Variants in PURA observed in about 807,000 individuals in gnomAD.
PURA encodes the protein transcriptional activator protein Pur-alpha.
Under a neutral mutation model 23.1 loss-of-function variants are expected in PURA, and 2 were observed. The observed-to-expected ratio is 0.09, with a 90% CI of 0.04 to 0.27. The LOEUF (loss-of-function observed/expected upper bound fraction) is 0.27, where lower values mean the gene tolerates loss of function less well. Among genes scored for constraint, PURA ranks in the 10% least tolerant of loss-of-function variants. The pLI, the probability that PURA is intolerant of heterozygous loss-of-function variation, is 1.00. For synonymous variants in PURA, 254 were observed against 205.9 expected (o/e 1.23, Z -2.00); for missense variants, 187 against 449.7 (o/e 0.42, Z 5.28).
Position 140,115,484 on chromosome 5 carries a change from T to A in PURA, c.*334T>A, listed in dbSNP as rs975156205. ...TTAAAAAATATAAAGAACTGAGTGT[T>A]TATTTCCCTAATTAACCAAGAACTT... is the stretch of plus-strand genomic sequence containing the variant. On this transcript the variant is annotated 3_prime_UTR_variant, in exon 1 of 1. Coordinates refer to ENST00000331327, the MANE Select transcript of PURA (RefSeq NM_005859.5). This position sits in a 1 kb window ranked among gnomAD's most constrained non-coding sequence, Gnocchi z 4.1. 3.8e-5 allele frequency: 7 copies of A among 183,276 alleles called. No individual in the cohort carries two copies. The highest frequency in any genetic ancestry group is 1.7e-4 in the African/African-American group (7 of 42,182). 11.4% of individuals were successfully genotyped at this position (183,276 alleles called of 1,614,324 possible).
rs1452085467 is a variant in PURA, at chr5:140,114,111, C to T, written c.-71C>T. 2 of 316,290 alleles carry T rather than the reference C, an allele frequency of 6.3e-6. No individual in the cohort carries two copies. The highest frequency in any genetic ancestry group is 5.4e-5 in the Admixed American group (1 of 18,638). 19.6% of individuals were successfully genotyped at this position (316,290 alleles called of 1,614,324 possible). On this transcript the variant is annotated 5_prime_UTR_variant, in exon 1 of 1. Coordinates refer to ENST00000331327, the MANE Select transcript of PURA (RefSeq NM_005859.5). ...AGGCGGAGCCGGGGAGGGAAAGCAG[C>T]GGCGGCTGAGGCGACTGAGGCGGCG...
Position 140,115,021 on chromosome 5 carries a change from G to C in PURA, c.840G>C (p.Lys280Asn). Residue 280 changes from lysine to asparagine, a missense_variant, in exon 1 of 1, where the codon AAG becomes AAC. Physicochemically the swap from Lys to Asn is moderately conservative, Grantham distance 94. Coordinates refer to ENST00000331327, the MANE Select transcript of PURA (RefSeq NM_005859.5). The surrounding 1 kb of genome is among the most constrained non-coding windows in gnomAD (Gnocchi z 4.1). ...TFCKYSEEMKKIQEKQREKRA... is the reference protein window; with the variant it reads ...TFCKYSEEMKNIQEKQREKRA... ...GCAAGTACTCGGAGGAGATGAAGAA[G>C]ATTCAAGAGAAGCAGAGGGAGAAGC... 1 of 1,614,216 alleles carries C rather than the reference G, an allele frequency of 6.2e-7. No individual in the cohort carries two copies. The highest frequency in any genetic ancestry group is 8.5e-7 in the Non-Finnish European group (1 of 1,180,046).
chr5:140,114,240 C>T lies in PURA; in HGVS notation c.59C>T (p.Ser20Phe), dbSNP rs1210044420. The change falls in exon 1 of 1, where the codon TCC becomes TTC. Residue 20 changes from serine (S) to phenylalanine (F), a missense_variant. Ser to Phe is a radical substitution (Grantham distance 155, BLOSUM62 -2). Transcript: ENST00000331327. Reference protein sequence around the residue: ...QGGAALGSGGSLGHPGSGSGS... With the variant: ...QGGAALGSGGFLGHPGSGSGS... ...GGTGCGGCGCTGGGTTCGGGCGGCT[C>T]CCTGGGGCACCCCGGCTCGGGCTCA... 4 of 1,174,626 alleles carry T rather than the reference C, an allele frequency of 3.4e-6. No homozygotes were observed. 72.8% of individuals were successfully genotyped at this position (1,174,626 alleles called of 1,614,324 possible). A position where few individuals can be genotyped will look rare whatever the true frequency, so the allele number is the denominator to read the frequency against.
chr5:140,114,142 AGCGGCAGGCGGCGGCGGC>A lies in PURA; in HGVS notation c.-32_-15del. On this transcript the variant is annotated 5_prime_UTR_variant, in exon 1 of 1. Coordinates refer to ENST00000331327, the MANE Select transcript of PURA (RefSeq NM_005859.5). ...CTGAGGCGACTGAGGCGGCGGGCGG[AGCGGCAGGCGGCGGCGGC>A]GCGGCAGCGGAGCGCAGCATCATGG... 1 of 478,598 alleles carries A rather than the reference AGCGGCAGGCGGCGGCGGC, an allele frequency of 2.1e-6. No homozygotes were observed. 29.6% of individuals were successfully genotyped at this position (478,598 alleles called of 1,614,324 possible). A position where few individuals can be genotyped will look rare whatever the true frequency, so the allele number is the denominator to read the frequency against.
At position 140,120,034 on chromosome 5, in the gene PURA, T is replaced by A. The variant is rs937410343; in HGVS notation, c.*4884T>A. 3 of 166,818 alleles carry A rather than the reference T, an allele frequency of 1.8e-5. No individual in the cohort carries two copies. Among genetic ancestry groups the A allele is most frequent in the Admixed American group, 1.3e-4 (2 of 15,244 alleles). 10.3% of individuals were successfully genotyped at this position (166,818 alleles called of 1,614,324 possible). ...ACCAAGTCTAATGACTTTTTTCCCTTTTTAAAATCTTTTGAGTATCAGAAT... is the reference window on the plus strand; with the variant it reads ...ACCAAGTCTAATGACTTTTTTCCCTATTTAAAATCTTTTGAGTATCAGAAT... On this transcript the variant is annotated 3_prime_UTR_variant, in exon 1 of 1. Transcript: ENST00000331327.
rs1346561117 is a variant in PURA at position 140,114,231 on chromosome 5, C to T, written c.50C>T (p.Ser17Leu). ...GAGCAGGGTGGTGCGGCGCTGGGTT[C>T]GGGCGGCTCCCTGGGGCACCCCGGC... ...GSEQGGAALG[S>L]GGSLGHPGSG... The change falls in exon 1 of 1, where the codon TCG (serine) becomes TTG (leucine). Residue 17 changes from serine to leucine, a missense_variant. Ser to Leu is a moderately radical substitution (Grantham distance 145, BLOSUM62 -2). Around this residue, in one of 9 missense-constraint regions of PURA, gnomAD observed 33 missense variants for 30.4 expected, o/e 1.08. Transcript: ENST00000331327. 1.8e-6 allele frequency: 2 copies of T among 1,107,702 alleles called. No individual in the cohort carries two copies. The highest frequency in any genetic ancestry group is 4.5e-5 in the South Asian group (1 of 22,282). The allele number at this position is 1,107,702 out of a possible 1,614,324, so 68.6% of individuals were successfully genotyped here. A position where few individuals can be genotyped will look rare whatever the true frequency, so the allele number is the denominator to read the frequency against.
In PURA at chr5:140,121,060, A is replaced by AT. The variant is rs1228575511; in HGVS notation, c.*5912dup. 6.0e-6 allele frequency: 1 copy of AT among 166,862 alleles called. No homozygotes were observed. Among genetic ancestry groups the AT allele is most frequent in the Non-Finnish European group, 1.5e-5 (1 of 67,994 alleles). 10.3% of individuals were successfully genotyped at this position (166,862 alleles called of 1,614,324 possible). A position where few individuals can be genotyped will look rare whatever the true frequency, so the allele number is the denominator to read the frequency against. Reference sequence around the variant, plus strand: ...TTTTCATGTTTTCATAAATACACACATTGTTTTGATAATTATTAGCAATTA... The same window carrying AT: ...TTTTCATGTTTTCATAAATACACACATTTGTTTTGATAATTATTAGCAATTA... On this transcript the variant is annotated 3_prime_UTR_variant, in exon 1 of 1. Transcript: ENST00000331327.
At position 140,117,784 on chromosome 5, in the gene PURA, A is replaced by G. The variant is rs1183879968; in HGVS notation, c.*2634A>G. 1.8e-5 allele frequency: 3 copies of G among 165,662 alleles called. No homozygotes were observed. The highest frequency in any genetic ancestry group is 3.8e-4 in the East Asian group (2 of 5,202). The allele number at this position is 165,662 out of a possible 1,614,324, so 10.3% of individuals were successfully genotyped here. A position where few individuals can be genotyped will look rare whatever the true frequency, so the allele number is the denominator to read the frequency against. On this transcript the variant is annotated 3_prime_UTR_variant, in exon 1 of 1. Coordinates refer to ENST00000331327, the MANE Select transcript of PURA (RefSeq NM_005859.5). Reference sequence around the variant, plus strand: ...CTTTACACTAAAACAGTTTAATACAATCTAACTACGATTTTGAAACCAGTG... The same window carrying G: ...CTTTACACTAAAACAGTTTAATACAGTCTAACTACGATTTTGAAACCAGTG...
rs1369816583 is a variant in PURA, at chr5:140,119,134, G to A, written c.*3984G>A. ...ATACAAATATATTAGTCTAAGTTTT[G>A]TATGCTAACAGAAAGATATAATTTA... On this transcript the variant is annotated 3_prime_UTR_variant, in exon 1 of 1. Coordinates refer to ENST00000331327, the MANE Select transcript of PURA (RefSeq NM_005859.5). 4 of 166,740 alleles carry A rather than the reference G, an allele frequency of 2.4e-5. No homozygotes were observed. Among genetic ancestry groups the A allele is most frequent in the Non-Finnish European group, 1.5e-5 (1 of 68,004 alleles). 10.3% of individuals were successfully genotyped at this position (166,740 alleles called of 1,614,324 possible).
Position 140,115,546 on chromosome 5 carries a change from T to C in PURA, c.*396T>C, listed in dbSNP as rs1180474019. On this transcript the variant is annotated 3_prime_UTR_variant, in exon 1 of 1. Transcript: ENST00000331327. This position sits in a 1 kb window ranked among gnomAD's most constrained non-coding sequence, Gnocchi z 4.1. ...TAAGCTATTATTATTAAAAAGTGTT[T>C]GCAAAATGGTCAAGATTATAATATT... The C allele has an allele frequency of 1.2e-5, 2 of 168,822 alleles. No individual in the cohort carries two copies. The highest frequency in any genetic ancestry group is 4.8e-5 in the African/African-American group (2 of 41,552). The allele number at this position is 168,822 out of a possible 1,614,324, so 10.5% of individuals were successfully genotyped here. A position where few individuals can be genotyped will look rare whatever the true frequency, so the allele number is the denominator to read the frequency against.
In PURA at chr5:140,122,874, G is replaced by A. The variant is rs1763168334; in HGVS notation, c.*7724G>A. On this transcript the variant is annotated 3_prime_UTR_variant, in exon 1 of 1. Coordinates refer to ENST00000331327, the MANE Select transcript of PURA (RefSeq NM_005859.5). ...AACTCTTTGTTGTCAAATTTAGTAT[G>A]GATTTATTCCTGGTGATTTGGACAG... 6.0e-6 allele frequency: 1 copy of A among 166,636 alleles called. No individual in the cohort carries two copies. Among genetic ancestry groups the A allele is most frequent in the Non-Finnish European group, 1.5e-5 (1 of 67,938 alleles). 10.3% of individuals were successfully genotyped at this position (166,636 alleles called of 1,614,324 possible).
At position 140,120,183 on chromosome 5, in the gene PURA, C is replaced by A. The variant is rs751298687; in HGVS notation, c.*5033C>A. 1 of 166,564 alleles carries A rather than the reference C, an allele frequency of 6.0e-6. No individual in the cohort carries two copies. The highest frequency in any genetic ancestry group is 2.4e-5 in the African/African-American group (1 of 41,342). 10.3% of individuals were successfully genotyped at this position (166,564 alleles called of 1,614,324 possible). ...GTTTATTATCCCTAAATTTGAATAT[C>A]TTCATAATTTGGAGAGAGATGTATA... On this transcript the variant is annotated 3_prime_UTR_variant, in exon 1 of 1. Coordinates refer to ENST00000331327, the MANE Select transcript of PURA (RefSeq NM_005859.5).
Position 140,115,126 on chromosome 5 carries a change from T to G in PURA, c.945T>G (p.Gly315=), listed in dbSNP as rs753096711. ...ETAAATLLLQ[G]EEEGEED Reference sequence around the variant, plus strand: ...CCGCTGCCACCCTGCTACTGCAGGGTGAGGAAGAAGGGGAAGAAGATTGAT... The same window carrying G: ...CCGCTGCCACCCTGCTACTGCAGGGGGAGGAAGAAGGGGAAGAAGATTGAT... The change falls in exon 1 of 1, where the codon GGT becomes GGG. Residue 315 remains glycine (G), a synonymous_variant. Coordinates refer to ENST00000331327, the MANE Select transcript of PURA (RefSeq NM_005859.5). The surrounding 1 kb of genome is among the most constrained non-coding windows in gnomAD (Gnocchi z 4.1). 1 of 1,581,694 alleles carries G rather than the reference T, an allele frequency of 6.3e-7. No homozygotes were observed. Among genetic ancestry groups the G allele is most frequent in the Non-Finnish European group, 8.6e-7 (1 of 1,164,360 alleles).
Position 140,122,132 on chromosome 5 carries a change from A to G in PURA, c.*6982A>G, listed in dbSNP as rs1004749307. The G allele has an allele frequency of 2.4e-5, 4 of 166,870 alleles. No homozygotes were observed. The highest frequency in any genetic ancestry group is 9.7e-5 in the African/African-American group (4 of 41,426). The allele number at this position is 166,870 out of a possible 1,614,324, so 10.3% of individuals were successfully genotyped here. On this transcript the variant is annotated 3_prime_UTR_variant, in exon 1 of 1. Coordinates refer to ENST00000331327, the MANE Select transcript of PURA (RefSeq NM_005859.5). ...TCATGCATTATACAAGTCTGTTTTC[A>G]TGTATAGGATGTCTGCTTTTCTGGG...
Position 140,120,293 on chromosome 5 carries a change from A to G in PURA, c.*5143A>G, listed in dbSNP as rs937462648. On this transcript the variant is annotated 3_prime_UTR_variant, in exon 1 of 1. Transcript: ENST00000331327. ...CACACATCTCCTTGAGAGTGGAATA[A>G]GTAGGAGAGATAATTTATTGGAATT... 5 of 166,866 alleles carry G rather than the reference A, an allele frequency of 3.0e-5. No homozygotes were observed. Among genetic ancestry groups the G allele is most frequent in the African/African-American group, 1.2e-4 (5 of 41,436 alleles). The allele number at this position is 166,866 out of a possible 1,614,324, so 10.3% of individuals were successfully genotyped here. A position where few individuals can be genotyped will look rare whatever the true frequency, so the allele number is the denominator to read the frequency against.
Position 140,115,106 on chromosome 5 carries a change from G to C in PURA, c.925G>C (p.Ala309Pro), listed in dbSNP as rs1273916819. 3.7e-6 allele frequency: 6 copies of C among 1,606,712 alleles called. No homozygotes were observed. Among genetic ancestry groups the C allele is most frequent in the East Asian group, 4.5e-5 (2 of 44,776 alleles). The change falls in exon 1 of 1, where the codon GCC (alanine) becomes CCC (proline). Residue 309 changes from alanine to proline, a missense_variant. Around this residue, in one of 9 missense-constraint regions of PURA, gnomAD observed 65 missense variants for 158.6 expected, o/e 0.41. Coordinates refer to ENST00000331327, the MANE Select transcript of PURA (RefSeq NM_005859.5). The surrounding 1 kb of genome is among the most constrained non-coding windows in gnomAD (Gnocchi z 4.1). Reference protein sequence around the residue: ...QQQQQEETAAATLLLQGEEEG... With the variant: ...QQQQQEETAAPTLLLQGEEEG... ...GCAGCAGCAGGAGGAGACCGCCGCT[G>C]CCACCCTGCTACTGCAGGGTGAGGA... is the stretch of plus-strand genomic sequence containing the variant.
rs793888536 is a variant in PURA at position 140,114,600 on chromosome 5, G to C, written c.419G>C (p.Arg140Pro). The change falls in exon 1 of 1, where the codon CGC becomes CCC. Residue 140 changes from arginine (R) to proline (P), a missense_variant. Physicochemically the swap from Arg to Pro is moderately radical, Grantham distance 103. Around this residue, in one of 9 missense-constraint regions of PURA, gnomAD observed 26 missense variants for 29.1 expected, o/e 0.89. Transcript: ENST00000331327. ...CTGGCCCAGGCGCAGGACGAGCCGC[G>C]CCGGGCGCTCAAAAGCGAGTTCCTG... ...PDLAQAQDEP[R>P]RALKSEFLVR... 2 of 1,605,898 alleles carry C rather than the reference G, an allele frequency of 1.2e-6. No individual in the cohort carries two copies. The highest frequency in any genetic ancestry group is 1.7e-6 in the Non-Finnish European group (2 of 1,177,726).
rs1763081169 is a variant in PURA at position 140,116,481 on chromosome 5, T to A, written c.*1331T>A. 1 of 167,108 alleles carries A rather than the reference T, an allele frequency of 6.0e-6. No homozygotes were observed. Among genetic ancestry groups the A allele is most frequent in the African/African-American group, 2.4e-5 (1 of 41,462 alleles). 10.4% of individuals were successfully genotyped at this position (167,108 alleles called of 1,614,324 possible). A position where few individuals can be genotyped will look rare whatever the true frequency, so the allele number is the denominator to read the frequency against. On this transcript the variant is annotated 3_prime_UTR_variant, in exon 1 of 1. Coordinates refer to ENST00000331327, the MANE Select transcript of PURA (RefSeq NM_005859.5). The stretch of plus-strand genomic sequence containing the variant: ...ACATTATATGCTAAGTGTATTTGTG[T>A]TCCCCAAGTGTACAAGCCTTCTATC...
At position 140,114,262 on chromosome 5, in the gene PURA, C is replaced by G; in HGVS notation, c.81C>G (p.Gly27=). ...GCTCCCTGGGGCACCCCGGCTCGGG[C>G]TCAGGCTCCGGCGGGGGCGGTGGTG... ...SGGSLGHPGS[G]SGSGGGGGGG... Residue 27 remains glycine (G), a synonymous_variant, in exon 1 of 1, where the codon GGC becomes GGG. Transcript: ENST00000331327. 2.5e-6 allele frequency: 3 copies of G among 1,210,530 alleles called. No individual in the cohort carries two copies. Among genetic ancestry groups the G allele is most frequent in the Non-Finnish European group, 3.1e-6 (3 of 981,938 alleles). The allele number at this position is 1,210,530 out of a possible 1,614,324, so 75.0% of individuals were successfully genotyped here. A position where few individuals can be genotyped will look rare whatever the true frequency, so the allele number is the denominator to read the frequency against.
Sources: allele counts gnomAD v4.1 joint callset, GRCh38; gene constraint gnomAD v4.1.1; regional missense constraint gnomAD v4.1.1; non-coding constraint Gnocchi (gnomAD v3.1); transcripts MANE v1.5; gene names NCBI Gene and HGNC (gene_info 2026-07-23, HGNC 2026-07-21).